CSMD3: variants seen among roughly 807,000 people sequenced by gnomAD.
The protein encoded by CSMD3 is CUB and Sushi multiple domains 3, also known as CUB and sushi domain-containing protein 3.
Under a neutral mutation model 435.2 loss-of-function variants are expected in CSMD3, and 177 were observed. The ratio of observed to expected loss-of-function variants is 0.41; its 90% CI spans 0.36 to 0.46. The LOEUF is 0.46. Ranked by LOEUF, CSMD3 falls within the 20% of genes least tolerant of loss-of-function variation. CSMD3 has a pLI of 0.34. For missense variants in CSMD3, 4,265 were observed against 4,504.6 expected, an observed-to-expected ratio of 0.95 and a Z score of 1.52; for synonymous variants, 1,656 against 1,520.5, an observed-to-expected ratio of 1.09 and a Z score of -2.07.
chr8:112,531,626 A>T (rs550036194), intron 27 of CSMD3, among the ~76,000 whole-genome samples: 2 of 152,172 alleles, frequency 1.3e-5, no homozygotes, highest in Admixed American at 1.3e-4. Context: ...AGTCCACTAG[A>T]TGGTTGCAGT....
At chr8:112,505,561 A>T (rs1175918236) in intron 29 of CSMD3, among the ~76,000 whole-genome samples, 1 of 152,136 alleles carries the variant, frequency 6.6e-6, no homozygotes, top group East Asian at 1.9e-4. Context: ...AACACAGTAC[A>T]TTTCTTTTTA....
chr8:113,160,007 G>T (rs180764405), intron 4 of CSMD3, among the ~76,000 whole-genome samples: 3 of 151,976 alleles, frequency 2.0e-5, no homozygotes, highest in African/African-American at 7.2e-5. Flanking sequence ...CTCAGGAAAA[G>T]TAACACTAAA....
At chr8:112,703,081 AATAAT>A (rs1278420475) in intron 13 of CSMD3, among the ~76,000 whole-genome samples, 1 of 152,176 alleles carries the variant, frequency 6.6e-6, no homozygotes, top group Non-Finnish European at 1.5e-5. Context: ...ATTTTGTTAT[AATAAT>A]TTTGTCTTTC....
At chr8:113,265,936 T>A (rs1417594983) in intron 3 of CSMD3, among the ~76,000 whole-genome samples, 1 of 151,522 alleles carries the variant, frequency 6.6e-6, no homozygotes, top group Non-Finnish European at 1.5e-5. Flanking sequence ...ATATAGTAAC[T>A]CTCATTTATT....
intron 13 of CSMD3, among the ~76,000 whole-genome samples, chr8:112,719,098 A>T (rs1306253172): frequency 1.3e-5 from 2 of 152,184 alleles, no homozygotes; most frequent in African/African-American, 2.4e-5. Context: ...TCATGTAAAA[A>T]AATTTCATTA....
At chr8:112,492,849 AATAAC>A (rs1820836348) in intron 30 of CSMD3, among the ~76,000 whole-genome samples, 166 bp from the exon 31 acceptor site, 1 of 152,156 alleles carries the variant, frequency 6.6e-6, no homozygotes, top group Non-Finnish European at 1.5e-5. Context: ...TTACTCCCTA[AATAAC>A]ATAGTATAAC....
chr8:112,600,573 A>T (rs889571681), intron 22 of CSMD3, among the ~76,000 whole-genome samples: 3 of 152,224 alleles, frequency 2.0e-5, no homozygotes, highest in African/African-American at 7.2e-5. Context: ...TTTATGCAAC[A>T]GTTTTGTTTT....
At chr8:112,228,644 CA>C (rs1812795667) in intron 70 of CSMD3, 111 bp downstream of exon 70, 2 of 1,110,010 alleles carry the variant, frequency 1.8e-6, no homozygotes, top group South Asian at 2.6e-5. Context: ...AGCACACAGA[CA>C]TTTCAACAAC....
At chr8:112,348,033 A>G (rs996939001) in intron 40 of CSMD3, among the ~76,000 whole-genome samples, 13 of 152,340 alleles carry the variant, frequency 8.5e-5, no homozygotes, top group Non-Finnish European at 1.3e-4. Context: ...GAAAAATACC[A>G]AAACCAAAAG....
intron 11 of CSMD3, among the ~76,000 whole-genome samples, chr8:112,848,669 C>T (rs1288006728): frequency 6.6e-6 from 1 of 152,048 alleles, no homozygotes; most frequent in East Asian, 1.9e-4. Flanking sequence ...TTGTGTGATA[C>T]TTCAAGACTC....
intron 12 of CSMD3, among the ~76,000 whole-genome samples, chr8:112,815,449 A>T (rs1563987943): frequency 1.3e-5 from 2 of 152,170 alleles, no homozygotes; most frequent in Non-Finnish European, 2.9e-5. Flanking sequence ...ACATCTTTGT[A>T]TTCAAAGTTG....
intron 3 of CSMD3, among the ~76,000 whole-genome samples, chr8:113,197,238 C>A (rs980308578): frequency 6.6e-6 from 1 of 151,016 alleles, no homozygotes; most frequent in Non-Finnish European, 1.5e-5. Context: ...ATGTCACAGT[C>A]AAAACTTTGT....
At chr8:112,990,479 G>A (rs2085415784) in intron 6 of CSMD3, among the ~76,000 whole-genome samples, 1 of 151,810 alleles carries the variant, frequency 6.6e-6, no homozygotes, top group African/African-American at 2.4e-5. Flanking sequence ...TTTAATAGAA[G>A]CACTAATCTG....
chr8:113,276,770 A>G (rs572177082), intron 3 of CSMD3, among the ~76,000 whole-genome samples: 1 of 152,176 alleles, frequency 6.6e-6, no homozygotes, highest in South Asian at 2.1e-4. Context: ...ACTGTGAATC[A>G]ATACCTGAAG....
At chr8:112,266,211 G>C (rs1271729242) in intron 59 of CSMD3, among the ~76,000 whole-genome samples, 5 of 152,104 alleles carry the variant, frequency 3.3e-5, no homozygotes, top group Admixed American at 2.0e-4. Context: ...ATCCAACTCT[G>C]ACGATCCTCA....
chr8:113,432,212 A>C (rs980902392), intron 1 of CSMD3, among the ~76,000 whole-genome samples: 1 of 152,118 alleles, frequency 6.6e-6, no homozygotes, highest in African/African-American at 2.4e-5. Context: ...GCTTTCAACA[A>C]GCTAACTGTC....
At chr8:113,062,506 A>C (rs1463882128) in intron 5 of CSMD3, among the ~76,000 whole-genome samples, 1 of 151,854 alleles carries the variant, frequency 6.6e-6, no homozygotes, top group African/African-American at 2.4e-5. Context: ...TATTTCCACA[A>C]CTGAAATTGT....
chr8:113,380,246 A>G (rs78122205), intron 1 of CSMD3, among the ~76,000 whole-genome samples: 1,518 of 151,222 alleles, frequency 0.01, 7 homozygotes, highest in Non-Finnish European at 0.015. Flanking sequence ...TTGCTTTCAC[A>G]GGTTTATCTT....
At chr8:113,145,033 A>G (rs1356458278) in intron 4 of CSMD3, among the ~76,000 whole-genome samples, 1 of 151,330 alleles carries the variant, frequency 6.6e-6, no homozygotes. Context: ...TGATTTGTCA[A>G]ATGTCTGGGG....
Sources: allele counts gnomAD v4.1 joint callset (sites outside exome capture counted in the v4.1 genomes callset), GRCh38; gene constraint gnomAD v4.1.1; transcripts MANE v1.5; gene names NCBI Gene and HGNC (gene_info 2026-07-23, HGNC 2026-07-21).